FAF1: variants seen among roughly 807,000 people sequenced by gnomAD.
The protein encoded by FAF1 is FAS-associated factor 1.
Under a neutral mutation model 92.5 loss-of-function variants are expected in FAF1, and 25 were observed. That is an observed-to-expected ratio of 0.27 (90% CI 0.20 to 0.38). The LOEUF is 0.38. Ranked by LOEUF, FAF1 falls within the 10% of genes least tolerant of loss-of-function variation. The pLI, the probability that FAF1 is intolerant of heterozygous loss-of-function variation, is 1.00. For synonymous variants in FAF1, 234 were observed against 273.2 expected (o/e 0.86, Z 1.42); for missense variants, 636 against 793.3 (o/e 0.80, Z 2.38).
At chr1:50,934,569 A>T (rs921085131) in intron 1 of FAF1, among the ~76,000 whole-genome samples, 5 of 152,154 alleles carry the variant, frequency 3.3e-5, no homozygotes, top group Admixed American at 1.3e-4. Flanking sequence ...CAAAAAAATT[A>T]AAAAATTAGC....
chr1:50,919,942 C>T (rs1644950120), intron 1 of FAF1, among the ~76,000 whole-genome samples: 1 of 152,038 alleles, frequency 6.6e-6, no homozygotes. Context: ...ATCAACTCAC[C>T]TAAACTGAAA....
chr1:50,708,282 C>CAG (rs1366880274), intron 6 of FAF1, among the ~76,000 whole-genome samples: 2 of 152,184 alleles, frequency 1.3e-5, no homozygotes, highest in Admixed American at 6.5e-5. Flanking sequence ...GGTAGAGGCA[C>CAG]AGATGAAAAA....
intron 1 of FAF1, among the ~76,000 whole-genome samples, chr1:50,863,251 GC>G (rs1417078619): frequency 1.1e-4 from 17 of 151,738 alleles, no homozygotes; most frequent in African/African-American, 4.1e-4. Context: ...TAAATAATCC[GC>G]TCCTGAATGA....
chr1:50,613,869 C>A (rs1445886412), intron 8 of FAF1, among the ~76,000 whole-genome samples: 1 of 151,712 alleles, frequency 6.6e-6, no homozygotes, highest in Admixed American at 6.6e-5. Flanking sequence ...GAGGCCGAGG[C>A]GGGCAGACCT....
chr1:50,665,650 C>T (rs1386722123), intron 7 of FAF1, among the ~76,000 whole-genome samples: 1 of 152,158 alleles, frequency 6.6e-6, no homozygotes, highest in East Asian at 1.9e-4. Context: ...ACCAAGATAG[C>T]AGAGTTGAGT....
Position 50,582,718 on chromosome 1 carries a change from C to A in FAF1, c.1032-19G>T. ...ACCATATCTATAGGAAAAAGTGAGT[C>A]TATTAATTAAAATACTTTTCAAATT... On this transcript the variant is annotated intron_variant, in intron 11 of 18. Transcript: ENST00000396153. The A allele has an allele frequency of 6.9e-7, 1 of 1,459,798 alleles. No individual in the cohort carries two copies. The highest frequency in any genetic ancestry group is 9.6e-7 in the Non-Finnish European group (1 of 1,040,974). 90.4% of individuals were successfully genotyped at this position (1,459,798 alleles called of 1,614,324 possible). A position where few individuals can be genotyped will look rare whatever the true frequency, so the allele number is the denominator to read the frequency against.
At chr1:50,924,932 G>A (rs1557591331) in intron 1 of FAF1, among the ~76,000 whole-genome samples, 1 of 152,194 alleles carries the variant, frequency 6.6e-6, no homozygotes, top group Non-Finnish European at 1.5e-5. Context: ...GCAGTGAGCT[G>A]AGATCGTGCC....
chr1:50,481,908 G>A (rs1373754670), intron 17 of FAF1, among the ~76,000 whole-genome samples: 1 of 152,040 alleles, frequency 6.6e-6, no homozygotes, highest in East Asian at 1.9e-4. Context: ...AAGGGGAGAG[G>A]GGTAGGAGTT....
At chr1:50,709,335 G>A (rs995461252) in intron 6 of FAF1, among the ~76,000 whole-genome samples, 2 of 152,036 alleles carry the variant, frequency 1.3e-5, no homozygotes, top group African/African-American at 4.8e-5. Flanking sequence ...TTTGTTTCAT[G>A]TGTGGATACC....
chr1:50,750,686 C>T (rs1447596229), intron 4 of FAF1, among the ~76,000 whole-genome samples: 3 of 149,796 alleles, frequency 2.0e-5, no homozygotes, highest in African/African-American at 7.4e-5. Flanking sequence ...TGCAGTGGCG[C>T]AATCTCGGCC....
chr1:50,946,563 C>T (rs933168046), intron 1 of FAF1, among the ~76,000 whole-genome samples: 21 of 152,240 alleles, frequency 1.4e-4, no homozygotes, highest in African/African-American at 5.1e-4. Flanking sequence ...TGTCTGTCAA[C>T]ATCCATCCTT....
rs1194639684 is a variant in FAF1 at position 50,437,198 on chromosome 1, T to C, written c.*4242A>G. On this transcript the variant is annotated 3_prime_UTR_variant, in exon 19 of 19. Coordinates refer to ENST00000396153, the MANE Select transcript of FAF1 (RefSeq NM_007051.3). The stretch of plus-strand genomic sequence containing the variant: ...TATTCAAGGCAAGAAAGTCTAGTGA[T>C]TGTATTTCATCCTCTGGAGGTTTCT... The C allele has an allele frequency of 6.6e-6, 1 of 152,250 alleles. No individual in the cohort carries two copies. Among genetic ancestry groups the C allele is most frequent in the African/African-American group, 2.4e-5 (1 of 41,470 alleles). 9.4% of individuals were successfully genotyped at this position (152,250 alleles called of 1,614,324 possible). A position where few individuals can be genotyped will look rare whatever the true frequency, so the allele number is the denominator to read the frequency against.
At chr1:50,680,324 AT>A (rs1656362818) in intron 7 of FAF1, among the ~76,000 whole-genome samples, 1 of 152,204 alleles carries the variant, frequency 6.6e-6, no homozygotes, top group South Asian at 2.1e-4. Flanking sequence ...AAGTTATAAT[AT>A]TCTCTCATAT....
intron 15 of FAF1, among the ~76,000 whole-genome samples, chr1:50,535,065 G>A (rs1000581277): frequency 6.6e-6 from 1 of 152,052 alleles, no homozygotes; most frequent in African/African-American, 2.4e-5. Context: ...ATAATTTCCT[G>A]GACTACAGTT....
chr1:50,854,275 C>T (rs867003401), intron 2 of FAF1, among the ~76,000 whole-genome samples: 14 of 151,950 alleles, frequency 9.2e-5, no homozygotes, highest in East Asian at 7.7e-4. Context: ...CACACTTCCA[C>T]GGAAAAAGAC....
intron 15 of FAF1, among the ~76,000 whole-genome samples, chr1:50,526,810 G>A (rs1156632619): frequency 6.6e-6 from 1 of 151,808 alleles, no homozygotes; most frequent in Non-Finnish European, 1.5e-5. Context: ...AGCCAATGAG[G>A]GTTCAGATGT....
At chr1:50,729,337 G>A (rs1046607943) in intron 6 of FAF1, among the ~76,000 whole-genome samples, 12 of 151,718 alleles carry the variant, frequency 7.9e-5, no homozygotes, top group Non-Finnish European at 1.3e-4. Context: ...TTACAGGTGT[G>A]AGCCACCACG....
intron 13 of FAF1, among the ~76,000 whole-genome samples, chr1:50,555,202 G>A (rs923033275): frequency 4.0e-5 from 6 of 151,432 alleles, no homozygotes; most frequent in African/African-American, 1.5e-4. Context: ...CAGCCCAGGT[G>A]ACAGAGCGAG....
At chr1:50,646,190 G>A (rs1286171152) in intron 8 of FAF1, among the ~76,000 whole-genome samples, 1 of 151,996 alleles carries the variant, frequency 6.6e-6, no homozygotes, top group Admixed American at 6.6e-5. Context: ...AACAAACTTG[G>A]ACTGGTTTGC....
Sources: allele counts gnomAD v4.1 joint callset (sites outside exome capture counted in the v4.1 genomes callset), GRCh38; gene constraint gnomAD v4.1.1; transcripts MANE v1.5; gene names NCBI Gene and HGNC (gene_info 2026-07-23, HGNC 2026-07-21).